DMD: variants seen among roughly 807,000 people sequenced by gnomAD.
DMD encodes the protein dystrophin, also known as mutant dystrophin.
A neutral mutation model predicts 330.1 loss-of-function variants in DMD; 63 were observed. The observed-to-expected ratio is 0.19, with a 90% CI of 0.16 to 0.24. The LOEUF (loss-of-function observed/expected upper bound fraction) is 0.24. Ranked by LOEUF, DMD falls within the 10% of genes least tolerant of loss-of-function variation. The probability of loss-of-function intolerance (pLI) is 1.00; values close to 1 mark genes in which losing one functional copy is unlikely to be tolerated. For missense variants in DMD, 3,344 were observed against 2,684.1 expected (o/e 1.25, Z -5.43); for synonymous variants, 1,223 against 959.8 (o/e 1.27, Z -5.07).
intron 44 of DMD, among the ~76,000 whole-genome samples, chrX:32,003,185 A>C (rs927097222): frequency 1.2e-4 from 13 of 112,013 alleles, no homozygotes; most frequent in African/African-American, 3.6e-4. Flanking sequence ...ATGGAACTTA[A>C]TGTCTTTGTC....
intron 7 of DMD, among the ~76,000 whole-genome samples, chrX:32,718,467 T>C (rs2065947027): frequency 9.0e-6 from 1 of 111,629 alleles, no homozygotes; most frequent in African/African-American, 3.3e-5. Flanking sequence ...GAACTGCAAG[T>C]CAATTAAGCC....
chrX:31,657,122 T>C (rs1247874114), intron 54 of DMD, among the ~76,000 whole-genome samples: 1 of 112,047 alleles, frequency 8.9e-6, no homozygotes, highest in Non-Finnish European at 1.9e-5. Context: ...TTTCAGTAAT[T>C]GATGTCATAT....
Position 32,452,358 on chromosome X carries a change from G to T in DMD, c.3603+2304C>A, listed in dbSNP as rs191419160. 1.1e-3 allele frequency among the ~76,000 whole-genome samples: 16 copies of T among 13,991 alleles called. 2 individuals are homozygous for T. The highest frequency in any genetic ancestry group is 4.0e-3 in the East Asian group (1 of 253). 12.1% of individuals were successfully genotyped at this position (13,991 alleles called of 115,157 possible). A position where few individuals can be genotyped will look rare whatever the true frequency, so the allele number is the denominator to read the frequency against. ...GTGAAAGGGAAAGGGAAAGGGAAAGGGAAAGGGAAAGGGAAAGGGAAAGGG... is the reference window on the plus strand; with the variant it reads ...GTGAAAGGGAAAGGGAAAGGGAAAGTGAAAGGGAAAGGGAAAGGGAAAGGG... On this transcript the variant is annotated intron_variant, in intron 26 of 78. Transcript: ENST00000357033.
At chrX:32,127,194 G>A (rs888140999) in intron 44 of DMD, among the ~76,000 whole-genome samples, 1 of 111,573 alleles carries the variant, frequency 9.0e-6, no homozygotes. Flanking sequence ...GTGCCTGCTT[G>A]AGAAAGCTCA....
At chrX:32,314,312 A>G (rs2097575202) in intron 41 of DMD, among the ~76,000 whole-genome samples, 1 of 111,778 alleles carries the variant, frequency 8.9e-6, no homozygotes, top group Admixed American at 9.5e-5. Context: ...TTCCCTATTT[A>G]ATAAATGGTG....
intron 44 of DMD, among the ~76,000 whole-genome samples, chrX:32,059,875 T>C (rs2096210391): frequency 1.8e-5 from 2 of 111,562 alleles, no homozygotes; most frequent in African/African-American, 6.5e-5. Context: ...TAAATAGCTG[T>C]AGAGATTCAA....
chrX:31,924,774 T>C (rs1464304205), intron 47 of DMD, among the ~76,000 whole-genome samples: 1 of 112,166 alleles, frequency 8.9e-6, no homozygotes, highest in Non-Finnish European at 1.9e-5. Flanking sequence ...AAATGCTTTT[T>C]TCTTTATGTG....
chrX:31,313,283 A>G (rs2055686522), intron 62 of DMD, among the ~76,000 whole-genome samples: 1 of 110,664 alleles, frequency 9.0e-6, no homozygotes, highest in Admixed American at 9.6e-5. Context: ...TTTATTGCCC[A>G]AAGCAGCAAA....
At chrX:31,411,459 A>G (rs765376128) in intron 60 of DMD, among the ~76,000 whole-genome samples, 4 of 112,083 alleles carry the variant, frequency 3.6e-5, no homozygotes, top group Non-Finnish European at 7.5e-5. Context: ...AAGACATGCG[A>G]TTACTACGGC....
chrX:32,518,170 ATC>A (rs1450141423), intron 17 of DMD, 39 bp from the exon 18 acceptor site: 22 of 1,167,994 alleles, frequency 1.9e-5, no homozygotes, highest in Admixed American at 6.7e-5. Context: ...TTTCTTGATT[ATC>A]TCTTTCTTCT....
chrX:31,819,900 A>T, intron 50 of DMD, 75 bp downstream of exon 50: 1 of 830,655 alleles, frequency 1.2e-6, no homozygotes, highest in Non-Finnish European at 1.8e-6. Flanking sequence ...TTTCTCTCTC[A>T]CCCAGTCATC....
rs190306320 is a variant in DMD at position 32,409,130 on chromosome X, C to A, written c.4233+2622G>T. ...AATCTGAGTACCTGAGAACTCTGTT[C>A]TAGAAAACAATTCACTTACTGCCAT... On this transcript the variant is annotated intron_variant, in intron 30 of 78. Transcript: ENST00000357033. 2.6e-4 allele frequency among the ~76,000 whole-genome samples: 29 copies of A among 111,391 alleles called. No individual in the cohort carries two copies. The East Asian group carries it at 7.9e-3, about 30-fold the overall frequency.
At chrX:32,434,011 T>C (rs2098249391) in intron 29 of DMD, among the ~76,000 whole-genome samples, 2 of 111,946 alleles carry the variant, frequency 1.8e-5, no homozygotes, top group Non-Finnish European at 3.8e-5. Context: ...AGATGCCTTT[T>C]GAAGTGATGG....
intron 2 of DMD, among the ~76,000 whole-genome samples, chrX:32,888,313 C>A (rs377592105): frequency 9.1e-6 from 1 of 109,886 alleles, no homozygotes; most frequent in South Asian, 4.0e-4. Flanking sequence ...TTGCTCCCTA[C>A]GCCCCCACCC....
At chrX:31,671,024 T>C (rs972871582) in intron 53 of DMD, among the ~76,000 whole-genome samples, 5 of 111,073 alleles carry the variant, frequency 4.5e-5, no homozygotes, top group African/African-American at 1.3e-4. Context: ...GCCATTCTCC[T>C]GCCTCAGCCT....
At chrX:31,634,661 A>G (rs2079310366) in intron 54 of DMD, among the ~76,000 whole-genome samples, 1 of 111,558 alleles carries the variant, frequency 9.0e-6, no homozygotes, top group African/African-American at 3.2e-5. Flanking sequence ...TCATTTTTTT[A>G]ACCTTATGAA....
At chrX:32,499,748 G>A (rs1223758985) in intron 19 of DMD, among the ~76,000 whole-genome samples, 2 of 110,766 alleles carry the variant, frequency 1.8e-5, no homozygotes, top group African/African-American at 6.6e-5. Flanking sequence ...GTACTTTTGG[G>A]CTCTATACTA....
chrX:31,152,578 G>A (rs781236346), intron 74 of DMD, among the ~76,000 whole-genome samples: 1 of 110,477 alleles, frequency 9.1e-6, no homozygotes, highest in East Asian at 2.8e-4. Context: ...CTGTTGCCCA[G>A]GATGGAGTGC....
chrX:32,528,050 T>A (rs1334448318), intron 17 of DMD, among the ~76,000 whole-genome samples: 1 of 112,488 alleles, frequency 8.9e-6, no homozygotes, highest in Non-Finnish European at 1.9e-5. Flanking sequence ...GGCTCATGCC[T>A]GTAATTCCAG....
Sources: gnomAD v4.1 joint callset for allele counts (sites outside exome capture counted in the v4.1 genomes callset) on GRCh38, gnomAD v4.1.1 for gene constraint, MANE v1.5 for transcripts, NCBI Gene and HGNC (gene_info 2026-07-23, HGNC 2026-07-21) for gene names.